GALNTL6: variants seen among roughly 807,000 people sequenced by gnomAD.
The protein encoded by GALNTL6 is polypeptide N-acetylgalactosaminyltransferase like 6.
GALNTL6 carries 46 observed loss-of-function variants against 73.7 expected under a neutral mutation model. The observed-to-expected ratio is 0.62, with a 90% CI of 0.49 to 0.80. The LOEUF (loss-of-function observed/expected upper bound fraction) is 0.80, where lower values mean the gene tolerates loss of function less well. GALNTL6 is among the 30% of genes least tolerant of loss of function. The pLI, the probability that GALNTL6 is intolerant of heterozygous loss-of-function variation, is 0.00. For synonymous variants in GALNTL6, 259 were observed against 263.7 expected (o/e 0.98, Z 0.17); for missense variants, 604 against 755.0 (o/e 0.80, Z 2.34).
chr4:171,893,461 G>A (rs1736818210), intron 2 of GALNTL6, among the ~76,000 whole-genome samples: 1 of 152,122 alleles, frequency 6.6e-6, no homozygotes, highest in Non-Finnish European at 1.5e-5. Context: ...ACCTTCATAT[G>A]TAAGAAAATA....
intron 7 of GALNTL6, among the ~76,000 whole-genome samples, chr4:172,864,081 C>T (rs184194207): frequency 0.022 from 3,412 of 152,294 alleles, 116 homozygotes; most frequent in African/African-American, 0.078. Flanking sequence ...CCTTTGCTTT[C>T]TGCCATGACT....
At chr4:172,765,357 T>A (rs1347706) in intron 5 of GALNTL6, among the ~76,000 whole-genome samples, 72,921 of 151,990 alleles carry the variant, frequency 0.48, 18,332 homozygotes, top group African/African-American at 0.63. Context: ...TTTATATAGT[T>A]CTTTGGCATT....
rs111825878 is a variant in GALNTL6 at position 172,464,269 on chromosome 4, A to T, written c.553+115580A>T. Among the ~76,000 whole-genome samples the T allele has an allele frequency of 3.1e-3, 465 of 152,266 alleles. 2 individuals carry two copies. The highest frequency in any genetic ancestry group is 0.01 in the African/African-American group (431 of 41,540). On this transcript the variant is annotated intron_variant, in intron 5 of 12. Coordinates refer to ENST00000506823, the MANE Select transcript of GALNTL6 (RefSeq NM_001034845.3). The stretch of plus-strand genomic sequence containing the variant: ...TAGTAGAAAAATTATGACTTGCAGA[A>T]CAGGGGTAATAATAATAGTAATAAT...
intron 2 of GALNTL6, among the ~76,000 whole-genome samples, chr4:171,963,095 A>T (rs1579011335): frequency 6.6e-6 from 1 of 150,410 alleles, no homozygotes; most frequent in East Asian, 1.9e-4. Context: ...AAAGAGAAAC[A>T]TAATTGGTAA....
intron 5 of GALNTL6, among the ~76,000 whole-genome samples, chr4:172,757,154 G>T (rs1424902829): frequency 1.3e-5 from 2 of 152,100 alleles, no homozygotes; most frequent in African/African-American, 4.8e-5. Flanking sequence ...CCAGGCCTTG[G>T]CAAACCTTTG....
chr4:172,415,435 G>T (rs538934568), intron 5 of GALNTL6, among the ~76,000 whole-genome samples: 2 of 152,262 alleles, frequency 1.3e-5, no homozygotes, highest in African/African-American at 4.8e-5. Flanking sequence ...CCAGTCTGAG[G>T]GAGGCTCTGC....
chr4:172,723,576 A>G (rs1431322422), intron 5 of GALNTL6, among the ~76,000 whole-genome samples: 2 of 151,362 alleles, frequency 1.3e-5, no homozygotes, highest in East Asian at 3.9e-4. Flanking sequence ...TTTTTTTCTG[A>G]TTACTTAGTT....
At chr4:172,632,165 G>A (rs1201790469) in intron 5 of GALNTL6, among the ~76,000 whole-genome samples, 1 of 152,172 alleles carries the variant, frequency 6.6e-6, no homozygotes, top group Non-Finnish European at 1.5e-5. Context: ...GTCTTTATTA[G>A]CAGCATAAGA....
At chr4:172,935,156 C>T (rs1032892582) in intron 9 of GALNTL6, among the ~76,000 whole-genome samples, 4 of 152,186 alleles carry the variant, frequency 2.6e-5, no homozygotes, top group Non-Finnish European at 5.9e-5. Context: ...AGGGTCACCA[C>T]GCCAGAGCGC....
chr4:172,917,096 C>T (rs1357027481), intron 8 of GALNTL6, among the ~76,000 whole-genome samples: 38 of 152,240 alleles, frequency 2.5e-4, no homozygotes, highest in African/African-American at 7.5e-4. Flanking sequence ...TAATACCACA[C>T]GTCTACAACC....
chr4:172,278,804 T>C (rs1333081534), intron 3 of GALNTL6, among the ~76,000 whole-genome samples: 1 of 152,182 alleles, frequency 6.6e-6, no homozygotes, highest in Non-Finnish European at 1.5e-5. Context: ...AGGTTTTATC[T>C]TTCCTAATTT....
intron 2 of GALNTL6, among the ~76,000 whole-genome samples, chr4:171,905,552 T>C (rs1433881957): frequency 1.3e-5 from 2 of 150,090 alleles, no homozygotes; most frequent in East Asian, 3.9e-4. Flanking sequence ...TGGGAGACTT[T>C]AACACCCCAC....
intron 3 of GALNTL6, among the ~76,000 whole-genome samples, chr4:172,233,348 CTAAA>C (rs3083265): frequency 0.88 from 129,114 of 146,714 alleles, 58,603 homozygotes; most frequent in Non-Finnish European, 0.98. Context: ...GACTCTGTCT[CTAAA>C]TAAATAAATA....
intron 5 of GALNTL6, among the ~76,000 whole-genome samples, chr4:172,733,624 T>C (rs1736279509): frequency 6.6e-6 from 1 of 152,180 alleles, no homozygotes; most frequent in Non-Finnish European, 1.5e-5. Context: ...TGAATAAGTC[T>C]CATAAGGTCT....
chr4:172,653,141 A>C (rs837209), intron 5 of GALNTL6, among the ~76,000 whole-genome samples: 9,625 of 151,324 alleles, frequency 0.064, 654 homozygotes, highest in African/African-American at 0.17. Flanking sequence ...TGTTGTTGAC[A>C]ATCTCCTGCG....
intron 5 of GALNTL6, among the ~76,000 whole-genome samples, chr4:172,779,657 TAC>T (rs1739271238): frequency 6.6e-6 from 1 of 152,218 alleles, no homozygotes; most frequent in African/African-American, 2.4e-5. Flanking sequence ...GGGGAATGGT[TAC>T]TGTAGACAGA....
intron 5 of GALNTL6, among the ~76,000 whole-genome samples, chr4:172,748,142 T>C (rs1316706146): frequency 6.6e-6 from 1 of 152,208 alleles, no homozygotes; most frequent in Non-Finnish European, 1.5e-5. Context: ...GTGAACTATA[T>C]ATACATTTAA....
chr4:172,856,448 T>C (rs938948201), intron 7 of GALNTL6, among the ~76,000 whole-genome samples: 4 of 152,234 alleles, frequency 2.6e-5, no homozygotes, highest in African/African-American at 9.6e-5. Context: ...TCACTTTTTT[T>C]GCCTTCTTCC....
At chr4:172,817,328 A>T (rs1246766538) in intron 7 of GALNTL6, among the ~76,000 whole-genome samples, 1 of 151,982 alleles carries the variant, frequency 6.6e-6, no homozygotes, top group Admixed American at 6.6e-5. Flanking sequence ...CTACTTGGGA[A>T]GCTGAGGTGG....
Sources: gnomAD v4.1 joint callset for allele counts (sites outside exome capture counted in the v4.1 genomes callset) on GRCh38, gnomAD v4.1.1 for gene constraint, MANE v1.5 for transcripts, NCBI Gene and HGNC (gene_info 2026-07-23, HGNC 2026-07-21) for gene names.